CAMK2G: variants seen among roughly 807,000 people sequenced by gnomAD.
CAMK2G encodes calcium/calmodulin dependent protein kinase II gamma, also known as calcium/calmodulin-dependent protein kinase type II subunit gamma.
CAMK2G carries 23 observed loss-of-function variants against 88.7 expected under a neutral mutation model. The observed-to-expected ratio is 0.26, with a 90% CI of 0.19 to 0.37. The LOEUF (loss-of-function observed/expected upper bound fraction) is 0.37, where lower values mean the gene tolerates loss of function less well. Ranked by LOEUF, CAMK2G falls within the 10% of genes least tolerant of loss-of-function variation. The pLI, the probability that CAMK2G is intolerant of heterozygous loss-of-function variation, is 1.00. For missense variants in CAMK2G, 476 were observed against 780.8 expected (o/e 0.61, Z 4.65); for synonymous variants, 263 against 294.8 (o/e 0.89, Z 1.11).
At chr10:73,863,329 G>C (rs1488471669) in intron 2 of CAMK2G, among the ~76,000 whole-genome samples, 1 of 152,202 alleles carries the variant, frequency 6.6e-6, no homozygotes, top group Non-Finnish European at 1.5e-5. Flanking sequence ...TTGGTCCCAG[G>C]CACAGGGATG....
rs2086141256 is a variant in CAMK2G at position 73,817,650 on chromosome 10, A to T, written c.1364-96T>A. The T allele has an allele frequency of 3.7e-6, 3 of 807,156 alleles. No individual in the cohort carries two copies. In the South Asian group the frequency reaches 4.1e-5, roughly 11 times the overall value. 50.0% of individuals were successfully genotyped at this position (807,156 alleles called of 1,614,324 possible). A position where few individuals can be genotyped will look rare whatever the true frequency, so the allele number is the denominator to read the frequency against. On this transcript the variant is annotated intron_variant, in intron 19 of 22. Coordinates refer to ENST00000423381, the MANE Select transcript of CAMK2G (RefSeq NM_001367534.1). ...CCTCAGGAGTCCCCTGTGATCGCTT[A>T]TGACAAAGACATCCCTCTTCTCTGT...
chr10:73,855,386 G>A (rs1180995183), intron 3 of CAMK2G, among the ~76,000 whole-genome samples: 1 of 152,222 alleles, frequency 6.6e-6, no homozygotes, highest in Non-Finnish European at 1.5e-5. Context: ...CATTAGGGAG[G>A]TGACTAACAG....
rs755751733 is a variant in CAMK2G, at chr10:73,848,602, A to G, written c.525T>C (p.Ala175=). Residue 175 remains alanine, a synonymous_variant, in exon 8 of 23, where the codon GCT becomes GCC. Transcript: ENST00000423381. This position sits in a 1 kb window ranked among gnomAD's most constrained non-coding sequence, Gnocchi z 4.5. ...CAGGGGACAAGTAACCTGGGGTGCC[A>G]GCAAAACCTGTAGCAAAAGAGAGGG... ...QGEQQAWFGF[A]GTPGYLSPEV... is the part of the protein sequence containing the mutation. 6.2e-7 allele frequency: 1 copy of G among 1,607,256 alleles called. No homozygotes were observed. The highest frequency in any genetic ancestry group is 2.2e-5 in the East Asian group (1 of 44,776).
intron 1 of CAMK2G, chr10:73,873,570 C>G: frequency 1.0e-6 from 1 of 986,144 alleles, no homozygotes; most frequent in South Asian, 4.5e-5. Context: ...GAGGCTCAAA[C>G]CCCCCCACAG....
intron 1 of CAMK2G, among the ~76,000 whole-genome samples, chr10:73,873,728 G>GGGGC (rs1483021545): frequency 7.4e-6 from 1 of 134,400 alleles, no homozygotes; most frequent in African/African-American, 2.7e-5. Flanking sequence ...AACGTCTGGG[G>GGGGC]GGGCGGGCGG....
At chr10:73,849,190 G>C in intron 6 of CAMK2G, 71 bp downstream of exon 6, 1 of 1,564,632 alleles carries the variant, frequency 6.4e-7, no homozygotes, top group Admixed American at 1.7e-5. Context: ...GGCCTACGCA[G>C]TACCACTATC....
intron 2 of CAMK2G, among the ~76,000 whole-genome samples, chr10:73,862,297 ACC>A (rs111889953): frequency 0.29 from 22,174 of 75,862 alleles, 2,720 homozygotes; most frequent in East Asian, 0.49. Flanking sequence ...CTCCTACTCC[ACC>A]CCCCCCCCCC....
At chr10:73,871,252 A>T (rs1236712746) in intron 2 of CAMK2G, among the ~76,000 whole-genome samples, 1 of 152,192 alleles carries the variant, frequency 6.6e-6, no homozygotes, top group Non-Finnish European at 1.5e-5. Context: ...ACAAGGTTAA[A>T]AGGAGGTGAG....
intron 2 of CAMK2G, among the ~76,000 whole-genome samples, 193 bp downstream of exon 2, chr10:73,872,796 T>A (rs1264541664): frequency 1.3e-5 from 2 of 152,232 alleles, no homozygotes; most frequent in African/African-American, 4.8e-5. Flanking sequence ...TTCATTCTTT[T>A]GTACCTGGGC....
intron 21 of CAMK2G, chr10:73,816,718 CA>C: frequency 7.7e-7 from 1 of 1,298,192 alleles, no homozygotes; most frequent in South Asian, 1.2e-5. Flanking sequence ...CTCAGCCTCC[CA>C]AAGTGTTGGG....
intron 15 of CAMK2G, among the ~76,000 whole-genome samples, chr10:73,827,282 G>T (rs1340466294): frequency 1.3e-5 from 2 of 152,252 alleles, no homozygotes; most frequent in Non-Finnish European, 2.9e-5. Flanking sequence ...CGCCTCCTGG[G>T]TTCACGCCAT....
At chr10:73,816,096 GC>G in intron 21 of CAMK2G, 19 of 985,538 alleles carry the variant, frequency 1.9e-5, no homozygotes, top group Non-Finnish European at 2.2e-5. Flanking sequence ...GATAGGGAAG[GC>G]CCAGCATAAA....
chr10:73,824,619 A>C (rs1047550968), intron 16 of CAMK2G, among the ~76,000 whole-genome samples: 1 of 152,182 alleles, frequency 6.6e-6, no homozygotes, highest in African/African-American at 2.4e-5. Context: ...CCACGCCGCC[A>C]CGTCATGTGG....
At position 73,813,448 on chromosome 10, in the gene CAMK2G, T is replaced by C. The variant is rs1355517687; in HGVS notation, c.*1070A>G. 1 of 152,640 alleles carries C rather than the reference T, an allele frequency of 6.6e-6. No individual in the cohort carries two copies. Among genetic ancestry groups the C allele is most frequent in the Non-Finnish European group, 1.5e-5 (1 of 68,076 alleles). 9.5% of individuals were successfully genotyped at this position (152,640 alleles called of 1,614,324 possible). On this transcript the variant is annotated 3_prime_UTR_variant, in exon 23 of 23. Transcript: ENST00000423381. ...CAGCCCCAAAGGCAGCCTGAATGCA[T>C]AGAAACGACCACCACCTCTTCTCCC...
At position 73,873,077 on chromosome 10, in the gene CAMK2G, A is replaced by G; in HGVS notation, c.72T>C (p.Ala24=). 1 of 1,610,024 alleles carries G rather than the reference A, an allele frequency of 6.2e-7. No homozygotes were observed. The highest frequency in any genetic ancestry group is 2.2e-5 in the East Asian group (1 of 44,836). The change falls in exon 2 of 23, where the codon GCT becomes GCC. Residue 24 remains alanine, a synonymous_variant. Transcript: ENST00000423381. ...YQLFEELGKG[A]FSVVRRCVKK... The stretch of plus-strand genomic sequence containing the variant: ...TCACACACCTGCGGACCACAGAGAA[A>G]GCACCCCTGGAGGGAGAAGGGGAAA...
rs372148577 is a variant in CAMK2G, at chr10:73,847,214, A to G, written c.819+11T>C. 2.5e-6 allele frequency: 4 copies of G among 1,613,870 alleles called. No individual in the cohort carries two copies. The highest frequency in any genetic ancestry group is 3.4e-6 in the Non-Finnish European group (4 of 1,179,786). ...CCCCTGAGCTCCTTGGCCACTAGCA[A>G]AGACACTTACACAGACCCACGGGTG... On this transcript the variant is annotated intron_variant, in intron 10 of 22. Coordinates refer to ENST00000423381, the MANE Select transcript of CAMK2G (RefSeq NM_001367534.1).
chr10:73,825,199 G>C (rs2090497777), intron 16 of CAMK2G, 80 bp downstream of exon 16: 3 of 992,718 alleles, frequency 3.0e-6, no homozygotes, highest in Non-Finnish European at 4.9e-6. Flanking sequence ...GGAGGCCAGG[G>C]AGGGGGCACA....
chr10:73,874,302 C>T, intron 1 of CAMK2G, 95 bp downstream of exon 1: 1 of 773,118 alleles, frequency 1.3e-6, no homozygotes, highest in Non-Finnish European at 1.7e-6. Context: ...CGAGGGGGAG[C>T]CGCAGCGGCC....
At chr10:73,830,340 T>C (rs1450447357) in intron 14 of CAMK2G, among the ~76,000 whole-genome samples, 3 of 152,160 alleles carry the variant, frequency 2.0e-5, no homozygotes, top group Non-Finnish European at 4.4e-5. Context: ...GGCATGATCA[T>C]GGCTCACTGC....
Sources: allele counts gnomAD v4.1 joint callset (sites outside exome capture counted in the v4.1 genomes callset), GRCh38; gene constraint gnomAD v4.1.1; non-coding constraint Gnocchi (gnomAD v3.1); transcripts MANE v1.5; gene names NCBI Gene and HGNC (gene_info 2026-07-23, HGNC 2026-07-21).